The following OTOF variants were observed in gnomAD, a reference collection of about 807,000 sequenced individuals.
OTOF encodes the protein otoferlin.
A neutral mutation model predicts 236.8 loss-of-function variants in OTOF; 218 were observed. The ratio of observed to expected loss-of-function variants is 0.92; its 90% CI spans 0.82 to 1.03. The LOEUF (loss-of-function observed/expected upper bound fraction) is 1.03, where lower values mean the gene tolerates loss of function less well. Among genes scored for constraint, OTOF ranks in the 50% least tolerant of loss-of-function variants. The probability of loss-of-function intolerance (pLI) is 0.00; values close to 1 mark genes in which losing one functional copy is unlikely to be tolerated. For missense variants in OTOF, 2,590 were observed against 2,694.4 expected, an observed-to-expected ratio of 0.96 and a Z score of 0.86; for synonymous variants, 1,041 against 1,072.5, an observed-to-expected ratio of 0.97 and a Z score of 0.57.
At chr2:26,459,864 T>C (rs868048131) in intron 46 of OTOF, 144 bp downstream of exon 46, 1 of 772,384 alleles carries the variant, frequency 1.3e-6, no homozygotes. Flanking sequence ...CACTTGTGCG[T>C]GGCACATGTG....
intron 1 of OTOF, among the ~76,000 whole-genome samples, chr2:26,556,599 C>T (rs1417144221): frequency 6.6e-6 from 1 of 152,124 alleles, no homozygotes; most frequent in Non-Finnish European, 1.5e-5. Flanking sequence ...AGGCCCAGCC[C>T]TTCACTGCTC....
rs1341561928 is a variant in OTOF at position 26,463,511 on chromosome 2, G to C, written c.5164C>G (p.Leu1722Val). The C allele has an allele frequency of 3.7e-6, 6 of 1,608,436 alleles. No homozygotes were observed. Among genetic ancestry groups the C allele is most frequent in the Non-Finnish European group, 5.1e-6 (6 of 1,177,790 alleles). Residue 1722 changes from leucine (L) to valine (V), a missense_variant, in exon 41 of 47, where the codon CTG becomes GTG. Around this residue, in one of 2 missense-constraint regions of OTOF, gnomAD observed 1,211 missense variants for 1,352.8 expected, o/e 0.90. Coordinates refer to ENST00000272371, the MANE Select transcript of OTOF (RefSeq NM_194248.3). ...PMDMPAPGTP[L>V]DISPRKPKKY... ...TTGGGCTTCCGAGGTGAGATGTCCA[G>C]AGGCGTCCCAGGGGCTGGCATGTCC...
chr2:26,496,643 G>A (rs78756038), intron 8 of OTOF, among the ~76,000 whole-genome samples: 1,598 of 152,102 alleles, frequency 0.011, 23 homozygotes, highest in African/African-American at 0.035. Context: ...TACTTTTCCC[G>A]AACCCTCATT....
intron 1 of OTOF, among the ~76,000 whole-genome samples, chr2:26,544,897 C>T (rs1272241225): frequency 1.3e-5 from 2 of 151,858 alleles, no homozygotes; most frequent in East Asian, 3.9e-4. Flanking sequence ...AAAAATTAGC[C>T]AGGCGTGGTG....
intron 2 of OTOF, among the ~76,000 whole-genome samples, chr2:26,530,690 T>A (rs1170338644): frequency 6.6e-6 from 1 of 152,176 alleles, no homozygotes; most frequent in African/African-American, 2.4e-5. Flanking sequence ...TCACCACATC[T>A]GTTTTCTTTC....
Position 26,473,115 on chromosome 2 carries a change from G to A in OTOF, c.3733+17C>T. The A allele has an allele frequency of 6.2e-7, 1 of 1,607,832 alleles. No homozygotes were observed. The highest frequency in any genetic ancestry group is 8.5e-7 in the Non-Finnish European group (1 of 1,177,152). On this transcript the variant is annotated intron_variant, in intron 29 of 46. Coordinates refer to ENST00000272371, the MANE Select transcript of OTOF (RefSeq NM_194248.3). This position sits in a 1 kb window ranked among gnomAD's most constrained non-coding sequence, Gnocchi z 7.2. ...GGCGTGGAGCCAGGCTTGGTGGCAG[G>A]GTGGATGTGGCCATACCCGTGGTGT...
intron 1 of OTOF, among the ~76,000 whole-genome samples, chr2:26,551,670 C>T (rs1667466079): frequency 6.6e-6 from 1 of 152,204 alleles, no homozygotes; most frequent in South Asian, 2.1e-4. Context: ...CACATGGCTG[C>T]CCTTCAACAG....
intron 3 of OTOF, among the ~76,000 whole-genome samples, chr2:26,525,156 G>C (rs1385589544): frequency 6.6e-6 from 1 of 152,196 alleles, no homozygotes; most frequent in Non-Finnish European, 1.5e-5. Context: ...CTGCCTGAAT[G>C]GTGTGATGCC....
Position 26,512,695 on chromosome 2 carries a change from A to G in OTOF, c.509+3723T>C, listed in dbSNP as rs1666420342. Among the ~76,000 whole-genome samples the G allele has an allele frequency of 2.6e-5, 4 of 152,296 alleles. No individual in the cohort carries two copies. The South Asian group carries it at 8.3e-4, about 32-fold the overall frequency. ...GCAGAGCCCTTGGTATAGGGTGGGG[A>G]GCAAGAGCTGAGAAGGTGCTTGGAC... On this transcript the variant is annotated intron_variant, in intron 5 of 46. Coordinates refer to ENST00000272371, the MANE Select transcript of OTOF (RefSeq NM_194248.3).
chr2:26,480,761 G>T, intron 15 of OTOF, 25 bp downstream of exon 15: 1 of 1,586,486 alleles, frequency 6.3e-7, no homozygotes, highest in Non-Finnish European at 8.6e-7. Context: ...GGCCCTGGGG[G>T]ACAGCACAGT....
chr2:26,501,257 G>A (rs1572455338), intron 8 of OTOF, among the ~76,000 whole-genome samples: 1 of 152,054 alleles, frequency 6.6e-6, no homozygotes, highest in Non-Finnish European at 1.5e-5. Flanking sequence ...AAAAAGTTGT[G>A]TTAATCTCAG....
chr2:26,552,832 G>T (rs1384668868), intron 1 of OTOF, among the ~76,000 whole-genome samples: 1 of 152,176 alleles, frequency 6.6e-6, no homozygotes, highest in African/African-American at 2.4e-5. Context: ...GCCACCGGCT[G>T]CCAAGGTCGT....
chr2:26,459,531 G>C (rs989081937), intron 46 of OTOF, among the ~76,000 whole-genome samples: 3 of 139,164 alleles, frequency 2.2e-5, no homozygotes, highest in South Asian at 2.2e-4. Flanking sequence ...TAGCCTGGGC[G>C]ACAGAGCGAG....
rs1458081560 is a variant in OTOF at position 26,480,080 on chromosome 2, C to T, written c.1912+123G>A. 3 of 734,182 alleles carry T rather than the reference C, an allele frequency of 4.1e-6. No individual in the cohort carries two copies. In the East Asian group the frequency reaches 7.5e-5, roughly 18 times the overall value. 45.5% of individuals were successfully genotyped at this position (734,182 alleles called of 1,614,324 possible). A position where few individuals can be genotyped will look rare whatever the true frequency, so the allele number is the denominator to read the frequency against. Reference sequence around the variant, plus strand: ...CTCAGGGGAAAGGGGTCAACGTTCCCTACAAGAGTGAGGACAGGGCTGAGG... The same window carrying T: ...CTCAGGGGAAAGGGGTCAACGTTCCTTACAAGAGTGAGGACAGGGCTGAGG... On this transcript the variant is annotated intron_variant, in intron 16 of 46. Coordinates refer to ENST00000272371, the MANE Select transcript of OTOF (RefSeq NM_194248.3).
intron 18 of OTOF, chr2:26,478,120 A>G: frequency 1.7e-6 from 2 of 1,154,972 alleles, no homozygotes; most frequent in East Asian, 3.1e-5. Flanking sequence ...TCACTCCAGA[A>G]TGCTGGAGCC....
intron 30 of OTOF, 38 bp from the exon 31 acceptor site, chr2:26,471,188 A>T (rs527355984): frequency 6.2e-7 from 1 of 1,613,242 alleles, no homozygotes. Flanking sequence ...AGAATCAGCC[A>T]CTGGGGCCTG....
At chr2:26,553,051 G>A (rs567959075) in intron 1 of OTOF, among the ~76,000 whole-genome samples, 2 of 152,162 alleles carry the variant, frequency 1.3e-5, no homozygotes, top group East Asian at 1.9e-4. Flanking sequence ...CATCAAGAGG[G>A]AGGGCTCCCT....
intron 11 of OTOF, 95 bp downstream of exon 11, chr2:26,489,116 C>A (rs553779413): frequency 3.3e-6 from 3 of 912,840 alleles, no homozygotes; most frequent in Non-Finnish European, 5.2e-6. Flanking sequence ...CCTTGCCAGC[C>A]TTTTCCCAGG....
At chr2:26,546,907 T>G (rs1473684554) in intron 1 of OTOF, among the ~76,000 whole-genome samples, 1 of 152,216 alleles carries the variant, frequency 6.6e-6, no homozygotes. Flanking sequence ...TTTAATAGAT[T>G]CCTTAGGATT....
Sources: allele counts gnomAD v4.1 joint callset (sites outside exome capture counted in the v4.1 genomes callset), GRCh38; gene constraint gnomAD v4.1.1; regional missense constraint gnomAD v4.1.1; non-coding constraint Gnocchi (gnomAD v3.1); transcripts MANE v1.5; gene names NCBI Gene and HGNC (gene_info 2026-07-23, HGNC 2026-07-21).